The following ALG6 variants were observed in gnomAD, a reference collection of about 807,000 sequenced individuals.
The protein encoded by ALG6 is dolichyl pyrophosphate Man9GlcNAc2 alpha-1,3-glucosyltransferase.
Under a neutral mutation model 66.6 loss-of-function variants are expected in ALG6, and 46 were observed. The ratio of observed to expected loss-of-function variants is 0.69; its 90% CI spans 0.55 to 0.88. The LOEUF is 0.88. Among genes scored for constraint, ALG6 ranks in the 40% least tolerant of loss-of-function variants. ALG6 has a pLI of 0.00. For synonymous variants in ALG6, 185 were observed against 203.7 expected, an observed-to-expected ratio of 0.91 and a Z score of 0.78; for missense variants, 505 against 586.8, an observed-to-expected ratio of 0.86 and a Z score of 1.44.
At chr1:63,435,110 A>C (rs1486473937) in intron 14 of ALG6, among the ~76,000 whole-genome samples, 2 of 152,166 alleles carry the variant, frequency 1.3e-5, no homozygotes, top group Non-Finnish European at 2.9e-5. Flanking sequence ...TGAAAGCCCA[A>C]TTGGTATGGG....
chr1:63,417,934 A>G (rs886771472), intron 11 of ALG6, among the ~76,000 whole-genome samples: 3 of 152,188 alleles, frequency 2.0e-5, no homozygotes, highest in Non-Finnish European at 4.4e-5. Flanking sequence ...TTGGGAGTTC[A>G]AGACCAGCCT....
intron 2 of ALG6, among the ~76,000 whole-genome samples, chr1:63,386,826 A>G (rs1648518741): frequency 6.6e-6 from 1 of 151,278 alleles, no homozygotes; most frequent in Admixed American, 6.6e-5. Flanking sequence ...TCTTCTACTA[A>G]TTTTCTGTTT....
intron 2 of ALG6, among the ~76,000 whole-genome samples, chr1:63,382,605 C>G (rs1349207196): frequency 2.7e-5 from 4 of 150,574 alleles, no homozygotes; most frequent in East Asian, 2.0e-4. Context: ...TCCTGAGTAG[C>G]TAGGATTATA....
chr1:63,376,675 A>T (rs1233077292), intron 2 of ALG6, among the ~76,000 whole-genome samples: 1 of 152,224 alleles, frequency 6.6e-6, no homozygotes, highest in Non-Finnish European at 1.5e-5. Context: ...TGGTAGAAAG[A>T]GAATCTTTCT....
chr1:63,391,099 T>A (rs1224384417), intron 2 of ALG6, among the ~76,000 whole-genome samples: 1 of 152,206 alleles, frequency 6.6e-6, no homozygotes, highest in Non-Finnish European at 1.5e-5. Context: ...CATAGTTTGT[T>A]TTTTAATATG....
At chr1:63,412,116 T>C in intron 9 of ALG6, 55 bp downstream of exon 9, 1 of 1,611,680 alleles carries the variant, frequency 6.2e-7, no homozygotes, top group South Asian at 1.1e-5. Flanking sequence ...CTGTGACCTT[T>C]AGGGGTTTCA....
intron 2 of ALG6, among the ~76,000 whole-genome samples, chr1:63,394,652 G>A (rs139348065): frequency 0.018 from 2,760 of 152,146 alleles, 36 homozygotes; most frequent in Middle Eastern, 0.037. Flanking sequence ...ACAGGCGTGA[G>A]CCACCACGCC....
At chr1:63,436,173 C>T (rs1381591277) in intron 14 of ALG6, among the ~76,000 whole-genome samples, 2 of 152,016 alleles carry the variant, frequency 1.3e-5, no homozygotes, top group African/African-American at 2.4e-5. Flanking sequence ...AAAATTGATA[C>T]AGAATAGATG....
chr1:63,415,531 TTA>T (rs1644541588), intron 10 of ALG6, among the ~76,000 whole-genome samples: 1 of 152,186 alleles, frequency 6.6e-6, no homozygotes, highest in Non-Finnish European at 1.5e-5. Flanking sequence ...TTATACTTCA[TTA>T]TGTTTTCTTA....
chr1:63,406,864 A>T (rs1644491858), intron 6 of ALG6, among the ~76,000 whole-genome samples, 198 bp from the exon 7 acceptor site: 1 of 152,064 alleles, frequency 6.6e-6, no homozygotes, highest in African/African-American at 2.4e-5. Flanking sequence ...CTTTTTATGG[A>T]AGTGTCCAAT....
intron 3 of ALG6, among the ~76,000 whole-genome samples, chr1:63,400,219 ATACGT>A (rs1644441892): frequency 2.7e-4 from 7 of 26,244 alleles, no homozygotes; most frequent in African/African-American, 1.0e-3. Flanking sequence ...ATATATATAT[ATACGT>A]ATATATATAT....
intron 2 of ALG6, chr1:63,371,388 A>T: frequency 3.3e-6 from 1 of 304,014 alleles, no homozygotes; most frequent in South Asian, 3.2e-5. Context: ...GTAGAGAAGC[A>T]TATTACTGGA....
At chr1:63,385,803 C>T (rs891740297) in intron 2 of ALG6, among the ~76,000 whole-genome samples, 2 of 152,016 alleles carry the variant, frequency 1.3e-5, no homozygotes, top group Non-Finnish European at 1.5e-5. Context: ...TTTGGGTGAC[C>T]TTTATTTCTT....
At chr1:63,418,409 G>A (rs371575295) in intron 11 of ALG6, among the ~76,000 whole-genome samples, 34 of 151,622 alleles carry the variant, frequency 2.2e-4, no homozygotes, top group East Asian at 7.7e-4. Flanking sequence ...AGAAGATCTG[G>A]GCCCTGACTT....
At chr1:63,428,493 G>A (rs1462810825) in intron 12 of ALG6, 4 of 338,464 alleles carry the variant, frequency 1.2e-5, no homozygotes, top group Middle Eastern at 8.5e-4. Flanking sequence ...TTCCATTAAC[G>A]GCATACTGGA....
intron 1 of ALG6, 31 bp downstream of exon 1, chr1:63,367,718 C>A (rs1647771387): frequency 6.6e-6 from 1 of 152,260 alleles, no homozygotes; most frequent in African/African-American, 2.4e-5. Context: ...AGGTTCCGGA[C>A]CCCAGGCCAG....
rs370282669 is a variant in ALG6 at position 63,435,896 on chromosome 1, CACTA to C, written c.1327-923_1327-920del. 1.4e-3 allele frequency among the ~76,000 whole-genome samples: 217 copies of C among 152,226 alleles called. 1 individual carries two copies. Among genetic ancestry groups the C allele is most frequent in the African/African-American group, 5.1e-3 (213 of 41,552 alleles). On this transcript the variant is annotated intron_variant, in intron 14 of 14. Transcript: ENST00000263440. ...TAGCACATTGGCCTAGAGAAGACCA[CACTA>C]ACTGATGACCACACAACTACAATAA...
At chr1:63,396,004 G>A (rs1356764187) in intron 2 of ALG6, among the ~76,000 whole-genome samples, 1 of 152,104 alleles carries the variant, frequency 6.6e-6, no homozygotes, top group East Asian at 1.9e-4. Flanking sequence ...GGTATTATAA[G>A]TAATCTAAAG....
At chr1:63,372,751 C>T (rs910825677) in intron 2 of ALG6, among the ~76,000 whole-genome samples, 4 of 152,034 alleles carry the variant, frequency 2.6e-5, no homozygotes, top group Non-Finnish European at 5.9e-5. Flanking sequence ...TCTCCGCCTC[C>T]CAGTTTCAAG....
Sources: gnomAD v4.1 joint callset for allele counts (sites outside exome capture counted in the v4.1 genomes callset) on GRCh38, gnomAD v4.1.1 for gene constraint, MANE v1.5 for transcripts, NCBI Gene and HGNC (gene_info 2026-07-23, HGNC 2026-07-21) for gene names.